The following TAOK3 variants were observed in gnomAD, a reference collection of about 807,000 sequenced individuals.
TAOK3 encodes the protein serine/threonine-protein kinase TAO3.
TAOK3 carries 40 observed loss-of-function variants against 120.4 expected under a neutral mutation model. That is an observed-to-expected ratio of 0.33 (90% CI 0.26 to 0.43). The LOEUF (loss-of-function observed/expected upper bound fraction) is 0.43, where lower values mean the gene tolerates loss of function less well. TAOK3 is among the 20% of genes least tolerant of loss of function. The probability of loss-of-function intolerance (pLI) is 1.00; values close to 1 mark genes in which losing one functional copy is unlikely to be tolerated. For synonymous variants in TAOK3, 355 were observed against 387.5 expected (o/e 0.92, Z 0.99); for missense variants, 821 against 1,112.1 (o/e 0.74, Z 3.72).
chr12:118,332,513 C>A (rs2044194228), intron 1 of TAOK3, among the ~76,000 whole-genome samples: 1 of 152,138 alleles, frequency 6.6e-6, no homozygotes, highest in Non-Finnish European at 1.5e-5. Flanking sequence ...ATCTCCATGG[C>A]ACCTATATCT....
At position 118,264,247 on chromosome 12, in the gene TAOK3, T is replaced by C. The variant is rs374011896; in HGVS notation, c.-89+2408A>G. ...TACTCAAGTATTTACCCAAGAAAAA[T>C]GAAAGCTTATGTCAATACAAAGCCA... On this transcript the variant is annotated intron_variant, in intron 2 of 20. Coordinates refer to ENST00000392533, the MANE Select transcript of TAOK3 (RefSeq NM_016281.4). Among the ~76,000 whole-genome samples, 6 of 152,150 alleles carry C rather than the reference T, an allele frequency of 3.9e-5. No homozygotes were observed. The East Asian group carries it at 7.7e-4, about 20-fold the overall frequency.
intron 9 of TAOK3, among the ~76,000 whole-genome samples, chr12:118,216,525 G>A (rs2038910273): frequency 1.3e-5 from 2 of 152,140 alleles, no homozygotes; most frequent in South Asian, 4.1e-4. Context: ...GTAATAAAAT[G>A]TGATTCACAT....
intron 17 of TAOK3, 23 bp downstream of exon 17, chr12:118,172,434 A>G: frequency 6.2e-7 from 1 of 1,611,698 alleles, no homozygotes; most frequent in Non-Finnish European, 8.5e-7. Flanking sequence ...GTCAATGACA[A>G]TAGTTACGAG....
rs2037897673 is a variant in TAOK3, at chr12:118,199,175, G to A, written c.1070C>T (p.Thr357Ile). ...GTTCACACTGCTGCTCTGGCTGCCT[G>A]TGCTCACGGACATGCTTGGAATGGA... The part of the protein sequence containing the change: ...NHSIPSMSVS[T>I]GSQSSSVNSM... Residue 357 changes from threonine (T) to isoleucine (I), a missense_variant, in exon 13 of 21, where the codon ACA (threonine) becomes ATA (isoleucine). Thr to Ile is a moderately conservative substitution (Grantham distance 89, BLOSUM62 -1). Transcript: ENST00000392533. 1.2e-6 allele frequency: 2 copies of A among 1,614,024 alleles called. No homozygotes were observed. Among genetic ancestry groups the A allele is most frequent in the South Asian group, 1.1e-5 (1 of 91,084 alleles).
intron 1 of TAOK3, among the ~76,000 whole-genome samples, chr12:118,276,717 G>A (rs1376447362): frequency 1.4e-5 from 2 of 145,766 alleles, no homozygotes; most frequent in African/African-American, 5.1e-5. Flanking sequence ...ACAAAAAACT[G>A]TAATAGGCTG....
At chr12:118,214,907 G>A (rs1247925205) in intron 9 of TAOK3, among the ~76,000 whole-genome samples, 9 of 151,790 alleles carry the variant, frequency 5.9e-5, no homozygotes, top group Admixed American at 2.6e-4. Context: ...CACCATGCCC[G>A]GCTAATTTTG....
chr12:118,243,416 C>A lies in TAOK3; in HGVS notation c.293G>T (p.Trp98Leu), dbSNP rs2139995937. ...GATAATAGAGGTCCTTCGACTTACC[C>A]AAGCAGTGTGTTCTTTCAAGTAACA... ...KGCYLKEHTA[W>L]LVMEYCLGSA... The change falls in exon 5 of 21, where the codon TGG (tryptophan) becomes TTG (leucine). Residue 98 changes from tryptophan (W) to leucine (L), a missense_variant and splice_region_variant. Coordinates refer to ENST00000392533, the MANE Select transcript of TAOK3 (RefSeq NM_016281.4). The A allele has an allele frequency of 6.5e-7, 1 of 1,544,626 alleles. No homozygotes were observed. Among genetic ancestry groups the A allele is most frequent in the Non-Finnish European group, 8.8e-7 (1 of 1,138,450 alleles).
chr12:118,264,556 G>C lies in TAOK3; in HGVS notation c.-89+2099C>G, dbSNP rs79935136. On this transcript the variant is annotated intron_variant, in intron 2 of 20. Coordinates refer to ENST00000392533, the MANE Select transcript of TAOK3 (RefSeq NM_016281.4). The stretch of plus-strand genomic sequence containing the variant: ...CATATCAGTGGTTACCTGGGGGAAG[G>C]GGGTGGTGATGGCAGGTAAAAAGGA... Among the ~76,000 whole-genome samples, 981 of 152,264 alleles carry C rather than the reference G, an allele frequency of 6.4e-3. 13 individuals are homozygous for C. The highest frequency in any genetic ancestry group is 0.022 in the African/African-American group (928 of 41,556).
In TAOK3 at chr12:118,260,193, A is replaced by G. The variant is rs947139019; in HGVS notation, c.-88-4538T>C. Among the ~76,000 whole-genome samples the G allele has an allele frequency of 4.6e-5, 7 of 152,202 alleles. 1 individual carries two copies. The highest frequency in any genetic ancestry group is 1.3e-4 in the Admixed American group (2 of 15,276). ...ACCCAGGCTGGAGTGCAAGGGTACA[A>G]TCATGGCTCATTGCAGCCTCAACCT... On this transcript the variant is annotated intron_variant, in intron 2 of 20. Transcript: ENST00000392533.
chr12:118,331,645 CAAAAAAAAAAA>C (rs57291591), intron 1 of TAOK3, among the ~76,000 whole-genome samples: 69 of 48,010 alleles, frequency 1.4e-3, no homozygotes, highest in Non-Finnish European at 6.2e-4. Context: ...ACTCTTATCT[CAAAAAAAAAAA>C]AAAAAAAAAA....
At chr12:118,199,520 C>T (rs1026128896) in intron 12 of TAOK3, 1 of 509,994 alleles carries the variant, frequency 2.0e-6, no homozygotes. Flanking sequence ...TTTCCCCTGT[C>T]ATACACACTA....
At chr12:118,325,673 C>CTTTA (rs962507942) in intron 1 of TAOK3, among the ~76,000 whole-genome samples, 3 of 151,638 alleles carry the variant, frequency 2.0e-5, no homozygotes, top group African/African-American at 4.9e-5. Flanking sequence ...TGGGTTGTCT[C>CTTTA]TTTATTTATT....
intron 1 of TAOK3, among the ~76,000 whole-genome samples, chr12:118,357,412 G>A (rs1231838731): frequency 1.3e-5 from 2 of 152,056 alleles, no homozygotes; most frequent in African/African-American, 2.4e-5. Context: ...CTGCTAACAC[G>A]TGGCTTTCCA....
At chr12:118,369,851 T>C (rs1405972486) in intron 1 of TAOK3, among the ~76,000 whole-genome samples, 1 of 152,188 alleles carries the variant, frequency 6.6e-6, no homozygotes, top group Non-Finnish European at 1.5e-5. Flanking sequence ...AATTTCTATG[T>C]CTCAGGAGAG....
At chr12:118,242,985 C>A (rs146452110) in intron 5 of TAOK3, among the ~76,000 whole-genome samples, 1 of 151,750 alleles carries the variant, frequency 6.6e-6, no homozygotes, top group African/African-American at 2.4e-5. Flanking sequence ...GAACAAAAGT[C>A]TCTTATTTTA....
chr12:118,171,477 C>T (rs1310918882), intron 17 of TAOK3, among the ~76,000 whole-genome samples: 1 of 152,190 alleles, frequency 6.6e-6, no homozygotes, highest in East Asian at 1.9e-4. Context: ...CTGCCTCAGT[C>T]TCCTGAGTAG....
chr12:118,268,413 G>T (rs116007402), intron 1 of TAOK3, among the ~76,000 whole-genome samples: 1 of 152,064 alleles, frequency 6.6e-6, no homozygotes, highest in Non-Finnish European at 1.5e-5. Context: ...AAAAACTATG[G>T]ACTTCCATTT....
intron 17 of TAOK3, among the ~76,000 whole-genome samples, chr12:118,167,509 A>G (rs2035678073): frequency 6.6e-6 from 1 of 151,982 alleles, no homozygotes; most frequent in Non-Finnish European, 1.5e-5. Context: ...AATAAATGAT[A>G]TTGAGGCCAT....
chr12:118,331,592 C>T (rs2044148609), intron 1 of TAOK3, among the ~76,000 whole-genome samples: 1 of 144,468 alleles, frequency 6.9e-6, no homozygotes, highest in South Asian at 2.2e-4. Flanking sequence ...TTGCAGTGAT[C>T]CAAGAACATA....
Sources: gnomAD v4.1 joint callset for allele counts (sites outside exome capture counted in the v4.1 genomes callset) on GRCh38, gnomAD v4.1.1 for gene constraint, MANE v1.5 for transcripts, NCBI Gene and HGNC (gene_info 2026-07-23, HGNC 2026-07-21) for gene names.